The following LRRC4C variants were observed in gnomAD, a reference collection of about 807,000 sequenced individuals.
LRRC4C encodes the protein leucine-rich repeat-containing protein 4C.
In LRRC4C, 5 loss-of-function variants were observed where a neutral mutation model predicts 33.6. The observed-to-expected ratio is 0.15, with a 90% CI of 0.08 to 0.31. LRRC4C has a LOEUF of 0.31. LRRC4C is among the 10% of genes least tolerant of loss of function. The probability of loss-of-function intolerance (pLI) is 1.00; values close to 1 mark genes in which losing one functional copy is unlikely to be tolerated. For synonymous variants in LRRC4C, 329 were observed against 302.0 expected (o/e 1.09, Z -0.93); for missense variants, 560 against 796.7 (o/e 0.70, Z 3.58).
intron 1 of LRRC4C, among the ~76,000 whole-genome samples, chr11:41,255,671 T>C (rs1948776259): frequency 6.6e-6 from 1 of 151,874 alleles, no homozygotes; most frequent in Non-Finnish European, 1.5e-5. Flanking sequence ...TCTGACATCC[T>C]CCTGATACCC....
intron 2 of LRRC4C, among the ~76,000 whole-genome samples, chr11:40,759,739 T>A (rs1949112351): frequency 6.6e-6 from 1 of 151,956 alleles, no homozygotes; most frequent in Non-Finnish European, 1.5e-5. Flanking sequence ...ATGAACAAAA[T>A]ATCAAAATGA....
intron 3 of LRRC4C, among the ~76,000 whole-genome samples, chr11:40,386,462 T>A (rs959488012): frequency 2.0e-5 from 3 of 152,194 alleles, no homozygotes; most frequent in African/African-American, 7.2e-5. Flanking sequence ...CCACCTTATA[T>A]GAGTATTGTA....
At chr11:40,445,421 T>C (rs1951587267) in intron 3 of LRRC4C, 1 of 154,452 alleles carries the variant, frequency 6.5e-6, no homozygotes, top group Non-Finnish European at 1.5e-5. Context: ...ACGATGTTCA[T>C]AGGTTTTTAC....
chr11:40,949,845 G>A (rs1158731680), intron 1 of LRRC4C, among the ~76,000 whole-genome samples: 1 of 151,886 alleles, frequency 6.6e-6, no homozygotes, highest in Non-Finnish European at 1.5e-5. Context: ...CATAATGACA[G>A]GATCAAATTC....
At chr11:40,345,640 C>G (rs983801598) in intron 3 of LRRC4C, among the ~76,000 whole-genome samples, 1 of 152,050 alleles carries the variant, frequency 6.6e-6, no homozygotes, top group Non-Finnish European at 1.5e-5. Flanking sequence ...TAGGACCCGG[C>G]AAAAATTTCA....
intron 4 of LRRC4C, among the ~76,000 whole-genome samples, chr11:40,290,485 G>A (rs139725854): frequency 3.5e-4 from 53 of 152,314 alleles, no homozygotes; most frequent in Middle Eastern, 3.4e-3. Context: ...GTTTAGTTAA[G>A]GAGTAATGAA....
chr11:40,679,663 A>G (rs1446346010), intron 2 of LRRC4C, among the ~76,000 whole-genome samples: 5 of 152,190 alleles, frequency 3.3e-5, no homozygotes, highest in Admixed American at 6.5e-5. Flanking sequence ...CAGCTTCCTC[A>G]TAGTGTTGAG....
chr11:40,217,804 C>T (rs1864084154), intron 5 of LRRC4C, among the ~76,000 whole-genome samples: 1 of 151,968 alleles, frequency 6.6e-6, no homozygotes, highest in African/African-American at 2.4e-5. Flanking sequence ...TTACAAATGA[C>T]CTAGCTAGCT....
intron 4 of LRRC4C, among the ~76,000 whole-genome samples, chr11:40,307,803 A>T (rs569449580): frequency 3.9e-5 from 6 of 152,240 alleles, no homozygotes; most frequent in Non-Finnish European, 8.8e-5. Flanking sequence ...ATGTTAAAGT[A>T]AACTAAAAAA....
chr11:41,437,596 A>G (rs1049572772), intron 1 of LRRC4C, among the ~76,000 whole-genome samples: 1 of 152,126 alleles, frequency 6.6e-6, no homozygotes, highest in Non-Finnish European at 1.5e-5. Context: ...TGTTTTCCAA[A>G]ATGCTTCTGC....
intron 1 of LRRC4C, among the ~76,000 whole-genome samples, chr11:40,973,305 G>T (rs1309020010): frequency 6.6e-6 from 1 of 151,704 alleles, no homozygotes; most frequent in Non-Finnish European, 1.5e-5. Context: ...TAGCTGCAGA[G>T]CTAACTGATA....
At chr11:41,075,060 T>TTTTTTTA (rs1555064937) in intron 1 of LRRC4C, among the ~76,000 whole-genome samples, 2 of 80,596 alleles carry the variant, frequency 2.5e-5, no homozygotes, top group Non-Finnish European at 4.5e-5. Flanking sequence ...TTTTTTTTTT[T>TTTTTTTA]TTATTATACT....
At chr11:40,705,776 GC>G (rs1387783390) in intron 2 of LRRC4C, among the ~76,000 whole-genome samples, 1 of 152,012 alleles carries the variant, frequency 6.6e-6, no homozygotes, top group African/African-American at 2.4e-5. Flanking sequence ...TTGATGAATT[GC>G]CACATTGTCT....
intron 3 of LRRC4C, among the ~76,000 whole-genome samples, chr11:40,527,696 A>G (rs1956109575): frequency 6.6e-6 from 1 of 152,196 alleles, no homozygotes; most frequent in Non-Finnish European, 1.5e-5. Context: ...TAAATAGATA[A>G]TGAGTAGATA....
intron 2 of LRRC4C, among the ~76,000 whole-genome samples, chr11:40,682,070 C>G (rs544357511): frequency 6.6e-6 from 1 of 151,858 alleles, no homozygotes; most frequent in Non-Finnish European, 1.5e-5. Context: ...AACCAAATAC[C>G]ACCTGCACCC....
intron 1 of LRRC4C, among the ~76,000 whole-genome samples, chr11:41,211,958 G>C (rs1055361390): frequency 1.3e-5 from 2 of 152,202 alleles, no homozygotes; most frequent in Non-Finnish European, 2.9e-5. Flanking sequence ...CAGTGTAAAA[G>C]TGTTCCTATT....
chr11:40,716,773 T>C (rs375014556), intron 2 of LRRC4C, among the ~76,000 whole-genome samples: 5 of 152,120 alleles, frequency 3.3e-5, no homozygotes, highest in African/African-American at 1.2e-4. Flanking sequence ...CTTATTATTC[T>C]AAAGGGAATG....
At chr11:40,958,986 A>C (rs1222393319) in intron 1 of LRRC4C, among the ~76,000 whole-genome samples, 1 of 151,852 alleles carries the variant, frequency 6.6e-6, no homozygotes, top group East Asian at 1.9e-4. Context: ...AACTGGAGCC[A>C]GACTGAACCT....
chr11:40,981,436 G>C (rs1852531361), intron 1 of LRRC4C, among the ~76,000 whole-genome samples: 1 of 151,342 alleles, frequency 6.6e-6, no homozygotes, highest in African/African-American at 2.4e-5. Flanking sequence ...AAACTAATTT[G>C]CGACAAGCGT....
Sources: allele counts gnomAD v4.1 joint callset (sites outside exome capture counted in the v4.1 genomes callset), GRCh38; gene constraint gnomAD v4.1.1; transcripts MANE v1.5; gene names NCBI Gene and HGNC (gene_info 2026-07-23, HGNC 2026-07-21).